Variants in HERC1 observed in about 807,000 individuals in gnomAD.
HERC1 encodes probable E3 ubiquitin-protein ligase HERC1.
In HERC1, 160 loss-of-function variants were observed where a neutral mutation model predicts 554.3. The ratio of observed to expected loss-of-function variants is 0.29; its 90% CI spans 0.25 to 0.33. The LOEUF is 0.33. Ranked by LOEUF, HERC1 falls within the 10% of genes least tolerant of loss-of-function variation. The probability of loss-of-function intolerance (pLI) is 1.00; values close to 1 mark genes in which losing one functional copy is unlikely to be tolerated. For missense variants in HERC1, 4,919 were observed against 5,918.5 expected, an observed-to-expected ratio of 0.83 and a Z score of 5.54; for synonymous variants, 2,175 against 2,131.7, an observed-to-expected ratio of 1.02 and a Z score of -0.56.
At chr15:63,667,165 T>A (rs907341579) in intron 40 of HERC1, among the ~76,000 whole-genome samples, 3 of 152,204 alleles carry the variant, frequency 2.0e-5, no homozygotes, top group Admixed American at 6.5e-5. Context: ...AAATGTGGTA[T>A]CTTTAAACAG....
chr15:63,813,655 G>A (rs1038848622), intron 1 of HERC1, among the ~76,000 whole-genome samples: 8 of 152,226 alleles, frequency 5.3e-5, no homozygotes, highest in Middle Eastern at 6.8e-3. Flanking sequence ...GAAGAGGAGA[G>A]GAAACTATCC....
rs960379153 is a variant in HERC1 at position 63,775,179 on chromosome 15, G to A, written c.445C>T (p.Arg149Cys). ...AGTGCATCAGTGCTTGACCGGGGGC[G>A]TTCACTAACAGAATGGACATCTGCT... ...GSADVHSVSE[R>C]PRSSTDALIE... Residue 149 changes from arginine (R) to cysteine (C), a missense_variant, in exon 2 of 78, where the codon CGC becomes TGC. Around this residue, in one of 11 missense-constraint regions of HERC1, gnomAD observed 744 missense variants for 1,090.0 expected, o/e 0.68. Transcript: ENST00000443617. This position sits in a 1 kb window ranked among gnomAD's most constrained non-coding sequence, Gnocchi z 4.0. The A allele has an allele frequency of 9.3e-6, 15 of 1,613,862 alleles. No individual in the cohort carries two copies. The highest frequency in any genetic ancestry group is 2.2e-5 in the East Asian group (1 of 44,896).
In HERC1 at chr15:63,727,456, G is replaced by A. The variant is rs1360145295; in HGVS notation, c.3346+191C>T. On this transcript the variant is annotated intron_variant, in intron 17 of 77. Coordinates refer to ENST00000443617, the MANE Select transcript of HERC1 (RefSeq NM_003922.4). This position sits in a 1 kb window ranked among gnomAD's most constrained non-coding sequence, Gnocchi z 4.3. ...CCAACTCCAATGCTTTTCCTTTTAT[G>A]CTCCAGCCCAGGATTCTTTCCAATA... Among the ~76,000 whole-genome samples, 1 of 152,102 alleles carries A rather than the reference G, an allele frequency of 6.6e-6. No homozygotes were observed. The highest frequency in any genetic ancestry group is 2.4e-5 in the African/African-American group (1 of 41,422).
chr15:63,801,994 C>G (rs781207821), intron 1 of HERC1, among the ~76,000 whole-genome samples: 7 of 152,176 alleles, frequency 4.6e-5, no homozygotes, highest in Admixed American at 1.3e-4. Context: ...GAACTCTCGA[C>G]GTCTACCAAC....
At position 63,640,252 on chromosome 15, in the gene HERC1, A is replaced by T. The variant is rs2068977491; in HGVS notation, c.11801T>A (p.Ile3934Lys). 1 of 1,613,858 alleles carries T rather than the reference A, an allele frequency of 6.2e-7. No homozygotes were observed. Among genetic ancestry groups the T allele is most frequent in the Admixed American group, 1.7e-5 (1 of 59,998 alleles). Reference sequence around the variant, plus strand: ...ATTGGTCAGGGCTTCGGCAGCTTTTATAGTGGTTGAGAAACATTCTAACCA... The same window carrying T: ...ATTGGTCAGGGCTTCGGCAGCTTTTTTAGTGGTTGAGAAACATTCTAACCA... ...WAWLECFSTT[I>K]KAAEALTNGA... Residue 3934 changes from isoleucine (I) to lysine (K), a missense_variant, in exon 61 of 78, where the codon ATA (isoleucine) becomes AAA (lysine). Around this residue, in one of 11 missense-constraint regions of HERC1, gnomAD observed 1,963 missense variants for 2,228.6 expected, o/e 0.88. Coordinates refer to ENST00000443617, the MANE Select transcript of HERC1 (RefSeq NM_003922.4).
chr15:63,806,039 T>C (rs1480692418), intron 1 of HERC1, among the ~76,000 whole-genome samples: 1 of 152,134 alleles, frequency 6.6e-6, no homozygotes, highest in Non-Finnish European at 1.5e-5. Flanking sequence ...AGAACCTCCT[T>C]TTTCTTCTCA....
intron 39 of HERC1, among the ~76,000 whole-genome samples, chr15:63,670,882 T>C (rs2070876001): frequency 6.6e-6 from 1 of 151,692 alleles, no homozygotes; most frequent in Non-Finnish European, 1.5e-5. Context: ...CAAAGCAAGA[T>C]CCTGTCTCTA....
At chr15:63,670,530 C>A (rs1399285764) in intron 39 of HERC1, among the ~76,000 whole-genome samples, 4 of 152,108 alleles carry the variant, frequency 2.6e-5, no homozygotes, top group African/African-American at 7.2e-5. Context: ...CCAGTAAGAG[C>A]CAAGTGCAAC....
chr15:63,792,054 T>C (rs952815117), intron 1 of HERC1, among the ~76,000 whole-genome samples: 20 of 152,202 alleles, frequency 1.3e-4, no homozygotes, highest in Non-Finnish European at 2.4e-4. Flanking sequence ...ATAAAGTACA[T>C]AGTAGGTTCA....
At chr15:63,698,696 G>A (rs1222139266) in intron 26 of HERC1, 32 bp downstream of exon 26, 2 of 1,583,444 alleles carry the variant, frequency 1.3e-6, no homozygotes, top group Non-Finnish European at 1.7e-6. Flanking sequence ...AGTTTCCAGA[G>A]CTCTCATAAG....
chr15:63,655,111 T>C (rs1344009650), intron 50 of HERC1, among the ~76,000 whole-genome samples: 1 of 151,976 alleles, frequency 6.6e-6, no homozygotes, highest in East Asian at 1.9e-4. Flanking sequence ...CTGAGGACTT[T>C]GGGAGGTCGA....
intron 26 of HERC1, among the ~76,000 whole-genome samples, chr15:63,697,450 A>AT (rs35244420): frequency 0.016 from 1,767 of 108,472 alleles, 59 homozygotes; most frequent in African/African-American, 0.057. Context: ...GTTAATCTTG[A>AT]TTTTTTTTTT....
At chr15:63,690,465 G>T in intron 32 of HERC1, 76 bp downstream of exon 32, 1 of 861,632 alleles carries the variant, frequency 1.2e-6, no homozygotes, top group Non-Finnish European at 1.9e-6. Flanking sequence ...CAACTGAAGA[G>T]ACTGTTAAGT....
chr15:63,683,163 A>G (rs2071570204), intron 34 of HERC1, among the ~76,000 whole-genome samples: 1 of 151,900 alleles, frequency 6.6e-6, no homozygotes, highest in African/African-American at 2.4e-5. Flanking sequence ...AAGAAAGAAA[A>G]AAAATTAAGA....
chr15:63,725,625 T>C, intron 17 of HERC1, 112 bp from the exon 18 acceptor site: 1 of 748,950 alleles, frequency 1.3e-6, no homozygotes, highest in Non-Finnish European at 2.2e-6. Flanking sequence ...AAATATTTTA[T>C]GATGAAAACA....
intron 2 of HERC1, among the ~76,000 whole-genome samples, chr15:63,767,093 C>G (rs2075805596): frequency 1.3e-5 from 2 of 151,932 alleles, no homozygotes. Flanking sequence ...CCTCCACCTT[C>G]CGGGTTTAAG....
chr15:63,667,069 A>C (rs909510986), intron 40 of HERC1, among the ~76,000 whole-genome samples: 1 of 152,244 alleles, frequency 6.6e-6, no homozygotes, highest in African/African-American at 2.4e-5. Context: ...TATGAAGAAA[A>C]TACATATGTT....
At chr15:63,712,711 A>C (rs1004397679) in intron 24 of HERC1, 64 bp downstream of exon 24, 2 of 1,478,014 alleles carry the variant, frequency 1.4e-6, no homozygotes, top group African/African-American at 2.8e-5. Context: ...ACTCTAACCA[A>C]AGCCTTACAT....
intron 1 of HERC1, among the ~76,000 whole-genome samples, chr15:63,828,224 A>G (rs2078008020): frequency 6.6e-6 from 1 of 152,246 alleles, no homozygotes; most frequent in Non-Finnish European, 1.5e-5. Flanking sequence ...GGGACAAACC[A>G]GAAACTAAAG....
Sources: allele counts gnomAD v4.1 joint callset (sites outside exome capture counted in the v4.1 genomes callset), GRCh38; gene constraint gnomAD v4.1.1; regional missense constraint gnomAD v4.1.1; non-coding constraint Gnocchi (gnomAD v3.1); transcripts MANE v1.5; gene names NCBI Gene and HGNC (gene_info 2026-07-23, HGNC 2026-07-21).